Variants in PCDH19 observed in about 807,000 individuals in gnomAD.
The protein encoded by PCDH19 is protocadherin 19.
Under a neutral mutation model 46.2 loss-of-function variants are expected in PCDH19, and 6 were observed. That is an observed-to-expected ratio of 0.13 (90% CI 0.07 to 0.26). The LOEUF (loss-of-function observed/expected upper bound fraction) is 0.26, where lower values mean the gene tolerates loss of function less well. PCDH19 is among the 10% of genes least tolerant of loss of function. The pLI is 1.00. For synonymous variants in PCDH19, 481 were observed against 415.7 expected (o/e 1.16, Z -1.91); for missense variants, 740 against 972.3 (o/e 0.76, Z 3.18).
At chrX:100,304,985 G>A (rs947100576) in intron 5 of PCDH19, among the ~76,000 whole-genome samples, 3 of 111,576 alleles carry the variant, frequency 2.7e-5, no homozygotes, top group African/African-American at 6.5e-5. Context: ...AATCTAAAAG[G>A]TTGGAAAACA....
rs950703418 is a variant in PCDH19 at position 100,305,222 on chromosome X, T to A, written c.2849-8347A>T. Among the ~76,000 whole-genome samples the A allele has an allele frequency of 4.6e-4, 52 of 112,187 alleles. 1 individual carries two copies. Among genetic ancestry groups the A allele is most frequent in the Middle Eastern group, 4.6e-3 (1 of 216 alleles). ...GAAAACCTATCAGAATAATAGCAGA[T>A]TTCTCAGCAGAAACCCTACAAGCTA... On this transcript the variant is annotated intron_variant, in intron 5 of 5. Coordinates refer to ENST00000373034, the MANE Select transcript of PCDH19 (RefSeq NM_001184880.2).
chrX:100,406,918 G>C lies in PCDH19; in HGVS notation c.1680C>G (p.Thr560=). ...TCAGAGGTGGGGCTGTGATGACCGG[G>C]GTGTTGTCGTTGACGTCGAGGATGA... ...RVIILDVNDN[T]PVITAPPLIN... is the part of the protein sequence containing the mutation. Residue 560 remains threonine, a synonymous_variant, in exon 1 of 6, where the codon ACC becomes ACG. Transcript: ENST00000373034. The C allele has an allele frequency of 8.3e-7, 1 of 1,211,747 alleles. No homozygotes were observed. Among genetic ancestry groups the C allele is most frequent in the Middle Eastern group, 2.3e-4 (1 of 4,352 alleles).
chrX:100,314,793 G>A (rs774547515), intron 5 of PCDH19, among the ~76,000 whole-genome samples: 6 of 111,632 alleles, frequency 5.4e-5, no homozygotes, highest in African/African-American at 3.3e-5. Context: ...TATAAGAAGG[G>A]TCCCCTGGAG....
At position 100,296,254 on chromosome X, in the gene PCDH19, TTCTC is replaced by T; in HGVS notation, c.*19_*22del. 2 of 1,157,872 alleles carry T rather than the reference TTCTC, an allele frequency of 1.7e-6. No individual in the cohort carries two copies. Among genetic ancestry groups the T allele is most frequent in the Non-Finnish European group, 2.4e-6 (2 of 846,142 alleles). Reference sequence around the variant, plus strand: ...TTCTTCACTAGCCAGTGTGGTTTCTTTCTCTTCTTCCTGGAGACTGGTTTAGAGA... The same window carrying T: ...TTCTTCACTAGCCAGTGTGGTTTCTTTTCTTCCTGGAGACTGGTTTAGAGA... On this transcript the variant is annotated 3_prime_UTR_variant, in exon 6 of 6. Coordinates refer to ENST00000373034, the MANE Select transcript of PCDH19 (RefSeq NM_001184880.2).
At chrX:100,322,865 A>ATATATATATATATATATATATATTTTTT in intron 5 of PCDH19, among the ~76,000 whole-genome samples, 4 of 54,414 alleles carry the variant, frequency 7.4e-5, no homozygotes, top group African/African-American at 1.7e-4. Context: ...ATATATATAT[A>ATATATATATATATATATATATATTTTTT]TTTTTGCAGC....
At chrX:100,345,390 C>T (rs898300176) in intron 4 of PCDH19, among the ~76,000 whole-genome samples, 3 of 111,336 alleles carry the variant, frequency 2.7e-5, no homozygotes, top group African/African-American at 9.8e-5. Context: ...AATAATAGTT[C>T]TCCTGTCAAA....
Position 100,292,803 on chromosome X carries a change from C to T in PCDH19, c.*3474G>A, listed in dbSNP as rs1333464113. 8.9e-6 allele frequency: 1 copy of T among 111,895 alleles called. No individual in the cohort carries two copies. The highest frequency in any genetic ancestry group is 1.9e-5 in the Non-Finnish European group (1 of 53,127). 9.2% of individuals were successfully genotyped at this position (111,895 alleles called of 1,213,427 possible). A position where few individuals can be genotyped will look rare whatever the true frequency, so the allele number is the denominator to read the frequency against. On this transcript the variant is annotated 3_prime_UTR_variant, in exon 6 of 6. Coordinates refer to ENST00000373034, the MANE Select transcript of PCDH19 (RefSeq NM_001184880.2). ...CTTAAGCTCATTTATGCCAGTTTTTCAAAGTCAATAAGGGTCTTATTACCC... is the reference window on the plus strand; with the variant it reads ...CTTAAGCTCATTTATGCCAGTTTTTTAAAGTCAATAAGGGTCTTATTACCC...
At chrX:100,352,099 T>C (rs913192008) in intron 3 of PCDH19, among the ~76,000 whole-genome samples, 55 of 112,774 alleles carry the variant, frequency 4.9e-4, no homozygotes, top group African/African-American at 1.6e-3. Flanking sequence ...CTACTCACAC[T>C]GCTTTTATCT....
chrX:100,296,522 G>T lies in PCDH19; in HGVS notation c.3202C>A (p.Pro1068Thr). ...GCEAISPVTS[P>T]LHLKSSLPTK... ...GGCAGAGAGCTCTTGAGGTGGAGGG[G>T]GGAGGTGACAGGGCTAATCGCCTCA... Residue 1068 changes from proline (P) to threonine (T), a missense_variant, in exon 6 of 6, where the codon CCC becomes ACC. By Grantham distance (38) the Pro-to-Thr change is conservative. Coordinates refer to ENST00000373034, the MANE Select transcript of PCDH19 (RefSeq NM_001184880.2). 1.7e-6 allele frequency: 2 copies of T among 1,211,027 alleles called. No individual in the cohort carries two copies. The highest frequency in any genetic ancestry group is 1.1e-6 in the Non-Finnish European group (1 of 895,027).
intron 3 of PCDH19, among the ~76,000 whole-genome samples, chrX:100,352,805 C>A (rs1054176670): frequency 8.9e-6 from 1 of 111,975 alleles, no homozygotes; most frequent in African/African-American, 3.2e-5. Flanking sequence ...AGCATCATGC[C>A]TCCTGTGCAG....
chrX:100,325,395 G>C (rs1173820110), intron 5 of PCDH19, among the ~76,000 whole-genome samples: 1 of 100,786 alleles, frequency 9.9e-6, no homozygotes, highest in Non-Finnish European at 2.0e-5. Flanking sequence ...TTTTGAGACG[G>C]AGTCTCACTC....
chrX:100,379,304 TACACAC>T (rs200896147), intron 3 of PCDH19, among the ~76,000 whole-genome samples: 17 of 41,604 alleles, frequency 4.1e-4, no homozygotes, highest in African/African-American at 1.4e-3. Context: ...ATCTGTCACA[TACACAC>T]ACACACACAC....
chrX:100,305,991 C>G (rs1452575524), intron 5 of PCDH19, among the ~76,000 whole-genome samples: 1 of 111,565 alleles, frequency 9.0e-6, no homozygotes, highest in East Asian at 2.8e-4. Context: ...AGTCCACTGA[C>G]AGCACTAGAC....
intron 3 of PCDH19, among the ~76,000 whole-genome samples, chrX:100,378,821 T>C (rs1012789519): frequency 1.8e-5 from 2 of 112,307 alleles, no homozygotes; most frequent in South Asian, 3.7e-4. Flanking sequence ...GGATGTCTTC[T>C]CTGATTATGT....
chrX:100,408,707 G>T lies in PCDH19; in HGVS notation c.-110C>A. On this transcript the variant is annotated 5_prime_UTR_variant, in exon 1 of 6. Transcript: ENST00000373034. ...GGCCGCCTGTTGCGCGCGCCCCGTG[G>T]CCCCGGAGGCCGCGGGAGAAGTCCC... 1.5e-6 allele frequency: 1 copy of T among 653,947 alleles called. No individual in the cohort carries two copies. Among genetic ancestry groups the T allele is most frequent in the Non-Finnish European group, 2.2e-6 (1 of 444,928 alleles). The allele number at this position is 653,947 out of a possible 1,213,427, so 53.9% of individuals were successfully genotyped here.
intron 3 of PCDH19, among the ~76,000 whole-genome samples, chrX:100,383,665 A>G (rs1927624059): frequency 8.9e-6 from 1 of 112,438 alleles, no homozygotes; most frequent in African/African-American, 3.2e-5. Context: ...TTGTTCCTAA[A>G]TTTATCAGTT....
chrX:100,402,781 G>A lies in PCDH19; in HGVS notation c.2359C>T (p.Arg787Cys), dbSNP rs376390125. The A allele has an allele frequency of 1.5e-5, 18 of 1,209,157 alleles. No individual in the cohort carries two copies. The Admixed American group carries it at 1.7e-4, about 12-fold the overall frequency. The change falls in exon 3 of 6, where the codon CGC (arginine) becomes TGC (cysteine). Residue 787 changes from arginine to cysteine, a missense_variant. Physicochemically the swap from Arg to Cys is radical, Grantham distance 180 (BLOSUM62 -3). Coordinates refer to ENST00000373034, the MANE Select transcript of PCDH19 (RefSeq NM_001184880.2). Reference sequence around the variant, plus strand: ...TCCTCCACATCCCGGGGTACCAGGCGGATGTCATTCTTACTGATTTTTTTC... The same window carrying A: ...TCCTCCACATCCCGGGGTACCAGGCAGATGTCATTCTTACTGATTTTTTTC... Reference protein sequence around the residue: ...KKKKISKNDIRLVPRDVEETD... With the variant: ...KKKKISKNDICLVPRDVEETD...
chrX:100,338,198 G>C (rs1435968824), intron 5 of PCDH19, among the ~76,000 whole-genome samples: 8 of 108,802 alleles, frequency 7.4e-5, no homozygotes, highest in African/African-American at 2.7e-4. Context: ...AAAAATTAGC[G>C]GGGCGTAGTG....
rs748528652 is a variant in PCDH19, at chrX:100,296,569, A to G, written c.3155T>C (p.Ile1052Thr). 1 of 1,209,392 alleles carries G rather than the reference A, an allele frequency of 8.3e-7. No homozygotes were observed. Among genetic ancestry groups the G allele is most frequent in the Non-Finnish European group, 1.1e-6 (1 of 895,078 alleles). ...TICSPKVNSVIREAGNGCEAI... is the reference protein window; with the variant it reads ...TICSPKVNSVTREAGNGCEAI... ...CTCACAGCCATTGCCTGCCTCCCGG[A>G]TAACGCTGTTGACCTTGGGGCTGCA... Residue 1052 changes from isoleucine (I) to threonine (T), a missense_variant, in exon 6 of 6, where the codon ATC (isoleucine) becomes ACC (threonine). Ile to Thr is a moderately conservative substitution (Grantham distance 89). This residue lies in a region of PCDH19 where 416 missense variants were observed against 476.8 expected (regional missense o/e 0.87). Coordinates refer to ENST00000373034, the MANE Select transcript of PCDH19 (RefSeq NM_001184880.2).
Sources: gnomAD v4.1 joint callset for allele counts (sites outside exome capture counted in the v4.1 genomes callset) on GRCh38, gnomAD v4.1.1 for gene constraint, gnomAD v4.1.1 regional missense constraint, MANE v1.5 for transcripts, NCBI Gene and HGNC (gene_info 2026-07-23, HGNC 2026-07-21) for gene names.